MTREX: variants seen among roughly 807,000 people sequenced by gnomAD.
The protein encoded by MTREX is Mtr4 exosome RNA helicase, also known as exosome RNA helicase MTR4.
Under a neutral mutation model 135.4 loss-of-function variants are expected in MTREX, and 76 were observed. The ratio of observed to expected loss-of-function variants is 0.56; its 90% CI spans 0.47 to 0.68. MTREX has a LOEUF of 0.68. MTREX is among the 30% of genes least tolerant of loss of function. MTREX has a pLI of 0.00. For missense variants in MTREX, 920 were observed against 1,262.1 expected, an observed-to-expected ratio of 0.73 and a Z score of 4.11; for synonymous variants, 404 against 401.6, an observed-to-expected ratio of 1.01 and a Z score of -0.07.
chr5:55,351,594 G>A (rs923879480), intron 13 of MTREX, among the ~76,000 whole-genome samples: 38 of 152,180 alleles, frequency 2.5e-4, no homozygotes, highest in African/African-American at 9.2e-4. Flanking sequence ...TGTTGCAGAA[G>A]GTGTATTTAA....
chr5:55,400,507 T>G (rs1750708223), intron 21 of MTREX, 86 bp downstream of exon 21: 1 of 918,798 alleles, frequency 1.1e-6, no homozygotes, highest in African/African-American at 1.7e-5. Context: ...TCCTGTTGGT[T>G]TAATTGGCTA....
Position 55,370,621 on chromosome 5 carries a change from A to G in MTREX, c.1810+3746A>G, listed in dbSNP as rs78144100. On this transcript the variant is annotated intron_variant, in intron 16 of 26. Transcript: ENST00000230640. ...GTAAAAATACTGTCAAAAGTATAAC[A>G]TACTTTTTAATGGAAGAGGTAGGAA... Among the ~76,000 whole-genome samples, 614 of 152,314 alleles carry G rather than the reference A, an allele frequency of 4.0e-3. 16 individuals carry two copies. The East Asian group carries it at 0.077, about 19-fold the overall frequency.
chr5:55,314,420 C>T (rs1367955105), intron 1 of MTREX, among the ~76,000 whole-genome samples: 3 of 151,998 alleles, frequency 2.0e-5, no homozygotes, highest in Admixed American at 6.6e-5. Context: ...CAGTTGGGAC[C>T]GAAGTAATAA....
Position 55,410,516 on chromosome 5 carries a change from C to T in MTREX, c.2646-8C>T. The T allele has an allele frequency of 6.4e-7, 1 of 1,560,752 alleles. No homozygotes were observed. Among genetic ancestry groups the T allele is most frequent in the Non-Finnish European group, 8.8e-7 (1 of 1,141,838 alleles). ...CTGACATTTTATTCTTTTGTTTTGCCATTGTAGTGCTGATGAGCTCCTTCT... is the reference window on the plus strand; with the variant it reads ...CTGACATTTTATTCTTTTGTTTTGCTATTGTAGTGCTGATGAGCTCCTTCT... On this transcript the variant is annotated splice_region_variant and splice_polypyrimidine_tract_variant and intron_variant, in intron 22 of 26. Coordinates refer to ENST00000230640, the MANE Select transcript of MTREX (RefSeq NM_015360.5).
At chr5:55,352,562 C>G (rs997250748) in intron 13 of MTREX, among the ~76,000 whole-genome samples, 1 of 152,068 alleles carries the variant, frequency 6.6e-6, no homozygotes, top group African/African-American at 2.4e-5. Context: ...ATTATACTAC[C>G]CCTATTATAT....
At chr5:55,340,999 G>A (rs1039672263) in intron 6 of MTREX, among the ~76,000 whole-genome samples, 5 of 152,268 alleles carry the variant, frequency 3.3e-5, no homozygotes, top group Non-Finnish European at 7.4e-5. Flanking sequence ...CCTTTACTAA[G>A]TATTTTTGTA....
chr5:55,414,743 A>G (rs1750940588), intron 24 of MTREX, among the ~76,000 whole-genome samples: 1 of 152,064 alleles, frequency 6.6e-6, no homozygotes, highest in South Asian at 2.1e-4. Flanking sequence ...TCCACCTTCC[A>G]CGTTCAAATG....
At chr5:55,333,494 CA>C (rs1749507779) in intron 5 of MTREX, among the ~76,000 whole-genome samples, 1 of 151,978 alleles carries the variant, frequency 6.6e-6, no homozygotes, top group African/African-American at 2.4e-5. Context: ...GATTTTTGGC[CA>C]TTAGTGTAAC....
chr5:55,345,664 ATTTT>A (rs553778793), intron 10 of MTREX, among the ~76,000 whole-genome samples: 3 of 132,858 alleles, frequency 2.3e-5, no homozygotes, highest in Admixed American at 7.7e-5. Context: ...GTTACTTTTA[ATTTT>A]TTTTTTTTTT....
chr5:55,373,062 G>T (rs1750232401), intron 16 of MTREX, among the ~76,000 whole-genome samples: 1 of 148,122 alleles, frequency 6.8e-6, no homozygotes, highest in South Asian at 2.2e-4. Flanking sequence ...TTTTAACCTA[G>T]TTTTGTTTAT....
At chr5:55,404,520 G>A (rs572912139) in intron 21 of MTREX, among the ~76,000 whole-genome samples, 1 of 152,262 alleles carries the variant, frequency 6.6e-6, no homozygotes, top group African/African-American at 2.4e-5. Flanking sequence ...AGATAGTCAA[G>A]AGAAAAGATT....
intron 25 of MTREX, among the ~76,000 whole-genome samples, 154 bp downstream of exon 25, chr5:55,416,286 A>G (rs1211084441): frequency 6.6e-6 from 1 of 152,044 alleles, no homozygotes; most frequent in African/African-American, 2.4e-5. Flanking sequence ...ATTCTCCACA[A>G]ATTCTTTGTA....
At chr5:55,317,456 G>A (rs546140074) in intron 1 of MTREX, among the ~76,000 whole-genome samples, 3 of 152,290 alleles carry the variant, frequency 2.0e-5, no homozygotes, top group South Asian at 4.1e-4. Flanking sequence ...GAACAGAGTA[G>A]AGAGCTAGAA....
chr5:55,374,107 A>AGG (rs1750253171), intron 16 of MTREX, among the ~76,000 whole-genome samples: 2 of 151,844 alleles, frequency 1.3e-5, no homozygotes, highest in Non-Finnish European at 2.9e-5. Flanking sequence ...AAAATACAAA[A>AGG]TTTAGCCACA....
At chr5:55,358,374 C>G (rs2305679) in intron 14 of MTREX, among the ~76,000 whole-genome samples, 199 bp from the exon 15 acceptor site, 21,596 of 152,088 alleles carry the variant, frequency 0.14, 1,931 homozygotes, top group East Asian at 0.26. Context: ...AGTGTGATGT[C>G]GGTTTGAAAC....
At chr5:55,308,177 A>G in intron 1 of MTREX, 30 bp downstream of exon 1, 3 of 1,550,510 alleles carry the variant, frequency 1.9e-6, no homozygotes, top group Middle Eastern at 1.7e-4. Flanking sequence ...TGTTGCTTTT[A>G]TTTTTTTTCT....
In MTREX at chr5:55,378,382, T is replaced by A. The variant is rs1561202597; in HGVS notation, c.1879T>A (p.Tyr627Asn). The A allele has an allele frequency of 1.2e-6, 2 of 1,611,748 alleles. No individual in the cohort carries two copies. Among genetic ancestry groups the A allele is most frequent in the African/African-American group, 2.7e-5 (2 of 74,838 alleles). ...IPNEESVVIY[Y>N]KIRQQLAKLG... ...CAATGAAGAAAGTGTGGTTATCTAT[T>A]ATAAGATTAGACAGCAGCTTGCCAA... is the stretch of plus-strand genomic sequence containing the variant. Residue 627 changes from tyrosine to asparagine, a missense_variant, in exon 17 of 27, where the codon TAT (tyrosine) becomes AAT (asparagine). Transcript: ENST00000230640.
chr5:55,407,304 A>G (rs1301730954), intron 22 of MTREX, among the ~76,000 whole-genome samples: 1 of 152,240 alleles, frequency 6.6e-6, no homozygotes, highest in Non-Finnish European at 1.5e-5. Flanking sequence ...TTGTTATCAC[A>G]GGATAATGTG....
intron 8 of MTREX, 38 bp downstream of exon 8, chr5:55,343,493 A>G (rs1749684079): frequency 6.4e-7 from 1 of 1,572,776 alleles, no homozygotes. Flanking sequence ...TCAATATTCA[A>G]AATGTTACAG....
Sources: gnomAD v4.1 joint callset for allele counts (sites outside exome capture counted in the v4.1 genomes callset) on GRCh38, gnomAD v4.1.1 for gene constraint, MANE v1.5 for transcripts, NCBI Gene and HGNC (gene_info 2026-07-23, HGNC 2026-07-21) for gene names.